The following CNTN5 variants were observed in gnomAD, a reference collection of about 807,000 sequenced individuals.
CNTN5 encodes contactin 5, also known as contactin-5.
A neutral mutation model predicts 129.1 loss-of-function variants in CNTN5; 77 were observed. The observed-to-expected ratio is 0.60, with a 90% confidence interval of 0.50 to 0.72. CNTN5 has a LOEUF of 0.72. Among genes scored for constraint, CNTN5 ranks in the 30% least tolerant of loss-of-function variants. The probability of loss-of-function intolerance (pLI) is 0.00; values close to 1 mark genes in which losing one functional copy is unlikely to be tolerated. For synonymous variants in CNTN5, 509 were observed against 465.6 expected, an observed-to-expected ratio of 1.09 and a Z score of -1.20; for missense variants, 1,478 against 1,328.8, an observed-to-expected ratio of 1.11 and a Z score of -1.75.
chr11:100,294,455 G>C (rs990152957), intron 18 of CNTN5, among the ~76,000 whole-genome samples: 3 of 151,638 alleles, frequency 2.0e-5, no homozygotes, highest in African/African-American at 7.3e-5. Context: ...TGTGGATAAA[G>C]TATCAATTAC....
chr11:99,391,740 A>G (rs192066138), intron 2 of CNTN5, among the ~76,000 whole-genome samples: 290 of 152,162 alleles, frequency 1.9e-3, no homozygotes, highest in African/African-American at 6.7e-3. Flanking sequence ...AGAATTTAGT[A>G]TAAGGGTATT....
chr11:99,103,894 G>T (rs1197200102), intron 1 of CNTN5, among the ~76,000 whole-genome samples: 1 of 152,120 alleles, frequency 6.6e-6, no homozygotes, highest in Non-Finnish European at 1.5e-5. Context: ...AGGTGGAAGA[G>T]TCAAGGAAAA....
intron 3 of CNTN5, among the ~76,000 whole-genome samples, chr11:99,591,567 T>C (rs1949981413): frequency 6.6e-6 from 1 of 152,022 alleles, no homozygotes; most frequent in African/African-American, 2.4e-5. Context: ...CTCCATCTCC[T>C]GACATCATGA....
intron 1 of CNTN5, among the ~76,000 whole-genome samples, chr11:99,289,482 T>G (rs1864078841): frequency 6.6e-6 from 1 of 151,750 alleles, no homozygotes; most frequent in Admixed American, 6.6e-5. Flanking sequence ...ACTGGCAAAT[T>G]TTATTCACTT....
intron 3 of CNTN5, among the ~76,000 whole-genome samples, chr11:99,780,759 T>C (rs1485038513): frequency 6.6e-6 from 1 of 152,096 alleles, no homozygotes; most frequent in Non-Finnish European, 1.5e-5. Context: ...ATTGTGTGGT[T>C]TTTTGTTTGT....
chr11:99,292,626 G>C (rs561072998), intron 1 of CNTN5, among the ~76,000 whole-genome samples: 2 of 152,202 alleles, frequency 1.3e-5, no homozygotes, highest in Admixed American at 1.3e-4. Context: ...TGTGTGTCTG[G>C]AGAGTCAAGC....
At chr11:100,028,930 T>G (rs1212405683) in intron 9 of CNTN5, among the ~76,000 whole-genome samples, 2 of 152,254 alleles carry the variant, frequency 1.3e-5, no homozygotes, top group African/African-American at 4.8e-5. Context: ...GACATTTTAC[T>G]CTGGCTGCTG....
At chr11:99,222,700 T>C (rs1481705480) in intron 1 of CNTN5, among the ~76,000 whole-genome samples, 1 of 152,154 alleles carries the variant, frequency 6.6e-6, no homozygotes, top group Non-Finnish European at 1.5e-5. Flanking sequence ...GGATTTGTTA[T>C]TTAAATTATA....
intron 3 of CNTN5, among the ~76,000 whole-genome samples, chr11:99,608,676 C>A (rs149929330): frequency 6.1e-4 from 93 of 152,312 alleles, no homozygotes; most frequent in African/African-American, 2.1e-3. Context: ...GCCTCCAGAA[C>A]TGTGAGATGC....
At chr11:99,632,779 G>A (rs1408456212) in intron 3 of CNTN5, among the ~76,000 whole-genome samples, 1 of 152,036 alleles carries the variant, frequency 6.6e-6, no homozygotes, top group East Asian at 1.9e-4. Flanking sequence ...TGCATTGATT[G>A]GCATTAGATT....
chr11:100,028,588 A>C (rs1400859308), intron 9 of CNTN5, among the ~76,000 whole-genome samples: 2 of 152,178 alleles, frequency 1.3e-5, no homozygotes, highest in Non-Finnish European at 2.9e-5. Context: ...ACGCCATCCA[A>C]GACACAGTCC....
At chr11:99,607,520 C>T (rs1950459780) in intron 3 of CNTN5, among the ~76,000 whole-genome samples, 1 of 78,058 alleles carries the variant, frequency 1.3e-5, no homozygotes, top group Non-Finnish European at 2.7e-5. Flanking sequence ...ACTAGTTCAA[C>T]CATTGTGGAA....
intron 1 of CNTN5, among the ~76,000 whole-genome samples, chr11:99,147,860 T>C (rs1298473397): frequency 6.6e-6 from 1 of 152,140 alleles, no homozygotes. Context: ...AATAACATCA[T>C]GGTGAAGCAC....
At chr11:100,152,896 G>A (rs556832186) in intron 13 of CNTN5, among the ~76,000 whole-genome samples, 63 of 152,050 alleles carry the variant, frequency 4.1e-4, no homozygotes, top group Non-Finnish European at 7.5e-4. Flanking sequence ...AGAGCTTAAG[G>A]GTGAGAGCCA....
intron 1 of CNTN5, among the ~76,000 whole-genome samples, chr11:99,178,765 G>A (rs1383371337): frequency 6.6e-6 from 1 of 151,974 alleles, no homozygotes; most frequent in East Asian, 1.9e-4. Flanking sequence ...TGGGTATTAT[G>A]AGCTTTAATA....
intron 3 of CNTN5, among the ~76,000 whole-genome samples, chr11:99,757,053 C>T (rs543368482): frequency 6.6e-6 from 1 of 151,792 alleles, no homozygotes; most frequent in African/African-American, 2.4e-5. Context: ...AACAAATTAG[C>T]ACAAACCAGA....
chr11:100,303,291 A>T lies in CNTN5; in HGVS notation c.2620+3895A>T, dbSNP rs3758704. ...TAATTTTGGAAACAATTCCATTTTTAAAAAAAAAGAATAGTGAAGTTTCAA... is the reference window on the plus strand; with the variant it reads ...TAATTTTGGAAACAATTCCATTTTTTAAAAAAAAGAATAGTGAAGTTTCAA... On this transcript the variant is annotated intron_variant, in intron 20 of 24. Transcript: ENST00000524871. Among the ~76,000 whole-genome samples the T allele has an allele frequency of 1.6e-3, 235 of 151,116 alleles. 2 individuals carry two copies. Among genetic ancestry groups the T allele is most frequent in the South Asian group, 0.01 (50 of 4,788 alleles).
intron 3 of CNTN5, among the ~76,000 whole-genome samples, chr11:99,592,029 A>C (rs1337298478): frequency 6.6e-6 from 1 of 152,250 alleles, no homozygotes; most frequent in African/African-American, 2.4e-5. Flanking sequence ...AGTTTTAAAC[A>C]GGTGGACTGT....
At chr11:99,467,852 C>G (rs2135262353) in intron 2 of CNTN5, among the ~76,000 whole-genome samples, 1 of 152,052 alleles carries the variant, frequency 6.6e-6, no homozygotes, top group Middle Eastern at 3.4e-3. Context: ...ACCATATTTT[C>G]ATTTCTTCTC....
Sources: gnomAD v4.1 joint callset for allele counts (sites outside exome capture counted in the v4.1 genomes callset) on GRCh38, gnomAD v4.1.1 for gene constraint, MANE v1.5 for transcripts, NCBI Gene and HGNC (gene_info 2026-07-23, HGNC 2026-07-21) for gene names.